Variants in SNX27 observed in about 807,000 individuals in gnomAD.
SNX27 encodes sorting nexin-27.
Under a neutral mutation model 71.6 loss-of-function variants are expected in SNX27, and 22 were observed. The observed-to-expected ratio is 0.31, with a 90% CI of 0.22 to 0.44. The LOEUF (loss-of-function observed/expected upper bound fraction) is 0.44. Among genes scored for constraint, SNX27 ranks in the 20% least tolerant of loss-of-function variants. The pLI is 1.00. For synonymous variants in SNX27, 269 were observed against 277.2 expected (o/e 0.97, Z 0.29); for missense variants, 531 against 698.6 (o/e 0.76, Z 2.70).
At chr1:151,615,773 G>C in intron 1 of SNX27, 1 of 984,456 alleles carries the variant, frequency 1.0e-6, no homozygotes, top group Non-Finnish European at 1.2e-6. Context: ...AACAATTTTC[G>C]TATTTTTCAG....
Position 151,694,461 on chromosome 1 carries a change from C to T in SNX27, c.*44C>T, listed in dbSNP as rs367550592. 1 of 1,524,848 alleles carries T rather than the reference C, an allele frequency of 6.6e-7. No homozygotes were observed. The highest frequency in any genetic ancestry group is 1.2e-5 in the South Asian group (1 of 81,986). 94.5% of individuals were successfully genotyped at this position (1,524,848 alleles called of 1,614,324 possible). On this transcript the variant is annotated 3_prime_UTR_variant, in exon 12 of 12. Coordinates refer to ENST00000458013, the MANE Select transcript of SNX27 (RefSeq NM_001330723.2). ...CCTTCCCTTCACCCCCATCCTCTTA[C>T]TCCTTTCATGTCCCATTTCAGACAG...
intron 8 of SNX27, among the ~76,000 whole-genome samples, chr1:151,688,097 A>G (rs763072785): frequency 6.6e-6 from 1 of 152,202 alleles, no homozygotes; most frequent in Non-Finnish European, 1.5e-5. Flanking sequence ...ATGATACATG[A>G]ATAAAGGAAG....
intron 7 of SNX27, among the ~76,000 whole-genome samples, chr1:151,673,740 A>G (rs1198268677): frequency 6.6e-6 from 1 of 152,204 alleles, no homozygotes; most frequent in Non-Finnish European, 1.5e-5. Context: ...ACATATATTT[A>G]AAATTGTTAC....
At chr1:151,626,004 A>C (rs1020844767) in intron 1 of SNX27, among the ~76,000 whole-genome samples, 1 of 151,842 alleles carries the variant, frequency 6.6e-6, no homozygotes, top group African/African-American at 2.4e-5. Context: ...TGGCCCACAC[A>C]TGTAATCCCA....
chr1:151,645,957 A>G (rs1462948385), intron 2 of SNX27, among the ~76,000 whole-genome samples: 1 of 152,220 alleles, frequency 6.6e-6, no homozygotes, highest in Admixed American at 6.5e-5. Context: ...GGTCTACAGG[A>G]AGTGTATGCA....
At chr1:151,614,446 C>T (rs1667340191) in intron 1 of SNX27, 1 of 152,288 alleles carries the variant, frequency 6.6e-6, no homozygotes, top group African/African-American at 2.4e-5. Flanking sequence ...GCCTCAGCCT[C>T]CTGAGTAGCT....
chr1:151,675,802 C>CT (rs1670662793), intron 7 of SNX27: 1 of 47,682 alleles, frequency 2.1e-5, no homozygotes, highest in Non-Finnish European at 4.7e-5. Context: ...TTCCTTCTTT[C>CT]TTTCTTTCTT....
chr1:151,638,076 A>T (rs1224487735), intron 1 of SNX27, among the ~76,000 whole-genome samples: 2 of 152,346 alleles, frequency 1.3e-5, no homozygotes, highest in South Asian at 4.1e-4. Flanking sequence ...AAAATACTTC[A>T]TCTAAACCTT....
chr1:151,668,447 T>C, intron 6 of SNX27, 25 bp from the exon 7 acceptor site: 1 of 1,597,644 alleles, frequency 6.3e-7, no homozygotes, highest in Non-Finnish European at 8.5e-7. Flanking sequence ...TCACTCCAGC[T>C]TTCTGTGTTT....
chr1:151,693,049 A>T lies in SNX27; in HGVS notation c.1518+10A>T, dbSNP rs745587168. ...AATCTTCACGCCATATGTGAGTGCAATTTGGGGAAAGTAACTGGGACTTAG... is the reference window on the plus strand; with the variant it reads ...AATCTTCACGCCATATGTGAGTGCATTTTGGGGAAAGTAACTGGGACTTAG... On this transcript the variant is annotated intron_variant, in intron 10 of 11. Transcript: ENST00000458013. 2 of 1,604,198 alleles carry T rather than the reference A, an allele frequency of 1.2e-6. No homozygotes were observed. Among genetic ancestry groups the T allele is most frequent in the East Asian group, 4.5e-5 (2 of 44,804 alleles).
Position 151,694,448 on chromosome 1 carries a change from C to G in SNX27, c.*31C>G. The G allele has an allele frequency of 1.3e-6, 2 of 1,543,946 alleles. No homozygotes were observed. Among genetic ancestry groups the G allele is most frequent in the Non-Finnish European group, 1.8e-6 (2 of 1,141,604 alleles). ...CCTTATCCCCTTCCCTTCCCTTCAC[C>G]CCCATCCTCTTACTCCTTTCATGTC... On this transcript the variant is annotated 3_prime_UTR_variant, in exon 12 of 12. Coordinates refer to ENST00000458013, the MANE Select transcript of SNX27 (RefSeq NM_001330723.2).
At chr1:151,646,938 T>A (rs189494676) in intron 2 of SNX27, among the ~76,000 whole-genome samples, 13 of 151,452 alleles carry the variant, frequency 8.6e-5, no homozygotes, top group Admixed American at 2.0e-4. Context: ...TTTAAGACAC[T>A]TACAAGAGTA....
At chr1:151,692,771 C>G (rs751961022) in intron 9 of SNX27, 140 bp from the exon 10 acceptor site, 21 of 1,382,648 alleles carry the variant, frequency 1.5e-5, no homozygotes, top group Non-Finnish European at 2.1e-5. Context: ...GATTTGTATT[C>G]TTCTATCACA....
intron 2 of SNX27, among the ~76,000 whole-genome samples, chr1:151,651,592 A>G (rs1027105517): frequency 1.4e-5 from 2 of 147,768 alleles, no homozygotes; most frequent in Non-Finnish European, 3.0e-5. Flanking sequence ...GGTGCTCCTC[A>G]CATCCCAGAC....
At chr1:151,655,601 A>C (rs896520185) in intron 2 of SNX27, among the ~76,000 whole-genome samples, 3 of 152,206 alleles carry the variant, frequency 2.0e-5, no homozygotes, top group Non-Finnish European at 2.9e-5. Context: ...ACCTCTAGGC[A>C]GAAAGCTGAG....
Position 151,612,112 on chromosome 1 carries a change from C to T in SNX27, c.-90C>T. 1 of 1,247,254 alleles carries T rather than the reference C, an allele frequency of 8.0e-7. No individual in the cohort carries two copies. Among genetic ancestry groups the T allele is most frequent in the Non-Finnish European group, 1.0e-6 (1 of 983,598 alleles). The allele number at this position is 1,247,254 out of a possible 1,614,324, so 77.3% of individuals were successfully genotyped here. A position where few individuals can be genotyped will look rare whatever the true frequency, so the allele number is the denominator to read the frequency against. On this transcript the variant is annotated 5_prime_UTR_variant, in exon 1 of 12. Transcript: ENST00000458013. This position sits in a 1 kb window ranked among gnomAD's most constrained non-coding sequence, Gnocchi z 5.2. ...CGGCCGGCGGATCGGGCGCGCGCGT[C>T]GGGGGTCGTCCGGCTGCCAGGCAGG... is the stretch of plus-strand genomic sequence containing the variant.
intron 2 of SNX27, among the ~76,000 whole-genome samples, chr1:151,652,055 G>A (rs551722834): frequency 2.0e-5 from 3 of 152,292 alleles, no homozygotes; most frequent in South Asian, 4.1e-4. Flanking sequence ...GTCAGGTGTG[G>A]CGGCGCGAGC....
intron 11 of SNX27, chr1:151,693,976 C>A: frequency 8.1e-7 from 1 of 1,236,724 alleles, no homozygotes; most frequent in East Asian, 3.7e-5. Context: ...TAATTAGTTA[C>A]TTATTCTCAA....
chr1:151,621,972 G>A (rs904086245), intron 1 of SNX27, among the ~76,000 whole-genome samples: 2 of 152,182 alleles, frequency 1.3e-5, no homozygotes, highest in Non-Finnish European at 2.9e-5. Context: ...AGTTTCGTTT[G>A]TGAGTTATGT....
Sources: allele counts gnomAD v4.1 joint callset (sites outside exome capture counted in the v4.1 genomes callset), GRCh38; gene constraint gnomAD v4.1.1; non-coding constraint Gnocchi (gnomAD v3.1); transcripts MANE v1.5; gene names NCBI Gene and HGNC (gene_info 2026-07-23, HGNC 2026-07-21).